The following VPS13B variants were observed in gnomAD, a reference collection of about 807,000 sequenced individuals.
VPS13B encodes intermembrane lipid transfer protein VPS13B.
VPS13B carries 285 observed loss-of-function variants against 426.4 expected under a neutral mutation model. The observed-to-expected ratio is 0.67, with a 90% confidence interval of 0.61 to 0.74. VPS13B has a LOEUF of 0.74. VPS13B is among the 30% of genes least tolerant of loss of function. VPS13B has a pLI of 0.00. For missense variants in VPS13B, 4,537 were observed against 4,782.6 expected (o/e 0.95, Z 1.51); for synonymous variants, 1,676 against 1,676.4 (o/e 1.00, Z 0.01).
intron 30 of VPS13B, among the ~76,000 whole-genome samples, chr8:99,529,168 A>C (rs1260381276): frequency 6.6e-6 from 1 of 151,952 alleles, no homozygotes; most frequent in Non-Finnish European, 1.5e-5. Flanking sequence ...TGTATGCAAT[A>C]CTCCTCCTTA....
intron 2 of VPS13B, among the ~76,000 whole-genome samples, chr8:99,027,540 AGTG>A (rs34136383): frequency 0.73 from 110,894 of 151,002 alleles, 41,430 homozygotes; most frequent in South Asian, 0.87. Context: ...CATCTAGTCT[AGTG>A]GTGATAAATT....
In VPS13B at chr8:99,465,516, G is replaced by A. The variant is rs377030618; in HGVS notation, c.3446-1898G>A. Among the ~76,000 whole-genome samples, 16 of 151,654 alleles carry A rather than the reference G, an allele frequency of 1.1e-4. No homozygotes were observed. In the East Asian group the frequency reaches 2.9e-3, roughly 27 times the overall value. ...CTGTGATAGTACCAATGTTATTTGGGATTTTTAAAAATTTAACAAATTTTA... is the reference window on the plus strand; with the variant it reads ...CTGTGATAGTACCAATGTTATTTGGAATTTTTAAAAATTTAACAAATTTTA... On this transcript the variant is annotated intron_variant, in intron 23 of 61. Transcript: ENST00000357162.
chr8:99,435,429 T>G (rs1191075030), intron 22 of VPS13B, among the ~76,000 whole-genome samples: 8 of 152,158 alleles, frequency 5.3e-5, no homozygotes, highest in Non-Finnish European at 1.2e-4. Flanking sequence ...ACATGATTAT[T>G]TGACAACTCT....
intron 35 of VPS13B, among the ~76,000 whole-genome samples, chr8:99,683,533 A>G (rs191971016): frequency 1.6e-3 from 241 of 152,270 alleles, no homozygotes; most frequent in African/African-American, 5.0e-3. Flanking sequence ...ATTTATTGTC[A>G]GCATTTTGTA....
chr8:99,604,172 T>A (rs930509742), intron 33 of VPS13B, among the ~76,000 whole-genome samples: 8 of 152,160 alleles, frequency 5.3e-5, no homozygotes, highest in African/African-American at 1.7e-4. Context: ...TGTAGCTCTT[T>A]TAAAATTTTT....
intron 34 of VPS13B, among the ~76,000 whole-genome samples, chr8:99,653,187 T>TA (rs1829890879): frequency 6.6e-6 from 1 of 152,192 alleles, no homozygotes; most frequent in Non-Finnish European, 1.5e-5. Context: ...TTTATGAAAT[T>TA]AAGTGGAAAT....
chr8:99,825,610 A>T (rs1039289909), intron 51 of VPS13B, among the ~76,000 whole-genome samples: 1 of 152,072 alleles, frequency 6.6e-6, no homozygotes, highest in Non-Finnish European at 1.5e-5. Flanking sequence ...TTTTGTTGCC[A>T]TTGCTTTTGG....
chr8:99,224,681 CTG>C (rs764486261), intron 17 of VPS13B, among the ~76,000 whole-genome samples: 2 of 152,160 alleles, frequency 1.3e-5, no homozygotes, highest in African/African-American at 2.4e-5. Flanking sequence ...TATAGCATGA[CTG>C]TTTTTAATTC....
intron 23 of VPS13B, among the ~76,000 whole-genome samples, chr8:99,453,006 A>G (rs1818273699): frequency 6.6e-6 from 1 of 152,194 alleles, no homozygotes; most frequent in Non-Finnish European, 1.5e-5. Context: ...TCTTCTTTGA[A>G]TGAGTTGCCT....
At chr8:99,033,134 C>T (rs1842596478) in intron 2 of VPS13B, among the ~76,000 whole-genome samples, 2 of 152,124 alleles carry the variant, frequency 1.3e-5, no homozygotes. Flanking sequence ...TTACCTGTAT[C>T]GTTTTGTTGT....
intron 33 of VPS13B, among the ~76,000 whole-genome samples, chr8:99,611,999 A>G (rs1285335200): frequency 1.3e-5 from 2 of 152,162 alleles, no homozygotes; most frequent in Non-Finnish European, 2.9e-5. Context: ...CATGAAATAT[A>G]GGTACTATTC....
At chr8:99,599,067 CTAAAGAA>C (rs1471607169) in intron 33 of VPS13B, among the ~76,000 whole-genome samples, 1 of 151,982 alleles carries the variant, frequency 6.6e-6, no homozygotes, top group Non-Finnish European at 1.5e-5. Context: ...CTACAACTAT[CTAAAGAA>C]TAAAGAACTA....
In VPS13B at chr8:99,147,955, C is replaced by G. The variant is rs1810831711; in HGVS notation, c.1958C>G (p.Ser653Cys). Residue 653 changes from serine (S) to cysteine (C), a missense_variant, in exon 14 of 62, where the codon TCC (serine) becomes TGC (cysteine). Physicochemically the swap from Ser to Cys is moderately radical, Grantham distance 112 (BLOSUM62 -1). Coordinates refer to ENST00000357162, the MANE Select transcript of VPS13B (RefSeq NM_152564.5). ...VTLLKCTCTI[S>C]MAEFNLLDHL... Reference sequence around the variant, plus strand: ...CTCCTCAAATGTACCTGCACAATTTCCATGGCTGAATTCAACTTGCTGGAC... The same window carrying G: ...CTCCTCAAATGTACCTGCACAATTTGCATGGCTGAATTCAACTTGCTGGAC... The G allele has an allele frequency of 6.2e-7, 1 of 1,613,774 alleles. No homozygotes were observed. Among genetic ancestry groups the G allele is most frequent in the Non-Finnish European group, 8.5e-7 (1 of 1,179,902 alleles).
intron 43 of VPS13B, among the ~76,000 whole-genome samples, chr8:99,791,809 T>C (rs937835974): frequency 4.0e-5 from 6 of 148,480 alleles, no homozygotes; most frequent in African/African-American, 1.5e-4. Flanking sequence ...TTTGAGCAAG[T>C]AATTTGCAGG....
At chr8:99,028,221 C>T (rs1158605290) in intron 2 of VPS13B, among the ~76,000 whole-genome samples, 6 of 151,978 alleles carry the variant, frequency 3.9e-5, no homozygotes, top group South Asian at 2.1e-4. Context: ...CCCAATGAGC[C>T]GCTGGGCACA....
chr8:99,733,610 G>T (rs1833689479), intron 39 of VPS13B, among the ~76,000 whole-genome samples: 1 of 152,082 alleles, frequency 6.6e-6, no homozygotes, highest in Non-Finnish European at 1.5e-5. Context: ...TTTGAATCTT[G>T]GAGGAAATCT....
At chr8:99,838,907 G>A (rs1351753859) in intron 54 of VPS13B, among the ~76,000 whole-genome samples, 1 of 152,336 alleles carries the variant, frequency 6.6e-6, no homozygotes, top group East Asian at 1.9e-4. Context: ...CAGAGGGCAC[G>A]TGGTCCTTTC....
At chr8:99,720,781 C>A in intron 38 of VPS13B, 82 bp from the exon 39 acceptor site, 3 of 1,352,162 alleles carry the variant, frequency 2.2e-6, no homozygotes, top group Non-Finnish European at 3.1e-6. Context: ...CTTTTATTCT[C>A]ATAATTTCTT....
intron 25 of VPS13B, among the ~76,000 whole-genome samples, chr8:99,494,018 G>T (rs1431247962): frequency 6.6e-6 from 1 of 151,904 alleles, no homozygotes; most frequent in Non-Finnish European, 1.5e-5. Flanking sequence ...TCCCACTCCA[G>T]TGGCCCAATT....
Sources: allele counts gnomAD v4.1 joint callset (sites outside exome capture counted in the v4.1 genomes callset), GRCh38; gene constraint gnomAD v4.1.1; transcripts MANE v1.5; gene names NCBI Gene and HGNC (gene_info 2026-07-23, HGNC 2026-07-21).